The following NRAP variants were observed in gnomAD, a reference collection of about 807,000 sequenced individuals.
NRAP encodes the protein nebulin-related-anchoring protein.
In NRAP, 189 loss-of-function variants were observed where a neutral mutation model predicts 225.9. The ratio of observed to expected loss-of-function variants is 0.84; its 90% CI spans 0.74 to 0.94. The LOEUF (loss-of-function observed/expected upper bound fraction) is 0.94, where lower values mean the gene tolerates loss of function less well. Ranked by LOEUF, NRAP falls within the 40% of genes least tolerant of loss-of-function variation. The pLI is 0.00. For synonymous variants in NRAP, 769 were observed against 790.7 expected (o/e 0.97, Z 0.46); for missense variants, 2,176 against 2,168.7 (o/e 1.00, Z -0.07).
At chr10:113,629,248 A>C (rs1848446819) in intron 19 of NRAP, among the ~76,000 whole-genome samples, 1 of 152,144 alleles carries the variant, frequency 6.6e-6, no homozygotes, top group South Asian at 2.1e-4. Context: ...CAACCTTAGC[A>C]AAAAGAGTGT....
At chr10:113,631,757 T>G (rs997223824) in intron 17 of NRAP, 100 bp downstream of exon 17, 1 of 895,684 alleles carries the variant, frequency 1.1e-6, no homozygotes, top group African/African-American at 1.7e-5. Flanking sequence ...AGTATTGCGA[T>G]GTTTACAATG....
Position 113,631,929 on chromosome 10 carries a change from C to G in NRAP, c.1668G>C (p.Gly556=), listed in dbSNP as rs779154398. The G allele has an allele frequency of 6.2e-7, 1 of 1,613,230 alleles. No homozygotes were observed. The highest frequency in any genetic ancestry group is 2.2e-5 in the East Asian group (1 of 44,892). Residue 556 remains glycine (G), a synonymous_variant, in exon 17 of 42, where the codon GGG becomes GGC. Coordinates refer to ENST00000359988, the MANE Select transcript of NRAP (RefSeq NM_198060.4). ...CATCCAGCTTCATCTCAAATCCTTT[C>G]CCCTTTGTCTTCTCCCAGCCTTCTT... The part of the protein sequence containing the change: ...KYKEGWEKTK[G]KGFEMKLDAM...
rs1468762790 is a variant in NRAP, at chr10:113,612,388, T to G, written c.3344A>C (p.His1115Pro). ...CAGGGCGGCCATGTCCAACGGCAGA[T>G]GGAACTGCGCCTTTGAGTGTTCAAA... The part of the protein sequence containing the change: ...KGFEHSKAQF[H>P]LPLDMAALVH... The change falls in exon 30 of 42, where the codon CAT (histidine) becomes CCT (proline). Residue 1115 changes from histidine (H) to proline (P), a missense_variant. Around this residue, in one of 3 missense-constraint regions of NRAP, gnomAD observed 1,708 missense variants for 1,695.5 expected, o/e 1.01. Coordinates refer to ENST00000359988, the MANE Select transcript of NRAP (RefSeq NM_198060.4). 2 of 1,614,082 alleles carry G rather than the reference T, an allele frequency of 1.2e-6. No homozygotes were observed. Among genetic ancestry groups the G allele is most frequent in the African/African-American group, 2.7e-5 (2 of 74,946 alleles).
At chr10:113,647,468 C>CCG (rs1849591991) in intron 9 of NRAP, among the ~76,000 whole-genome samples, 1 of 150,588 alleles carries the variant, frequency 6.6e-6, no homozygotes, top group East Asian at 2.0e-4. Context: ...ACTGCCTCCC[C>CCG]AAGTGGTACT....
At position 113,642,995 on chromosome 10, in the gene NRAP, A is replaced by T. The variant is rs941624743; in HGVS notation, c.1154T>A (p.Ile385Asn). The T allele has an allele frequency of 4.4e-6, 7 of 1,602,628 alleles. No individual in the cohort carries two copies. Among genetic ancestry groups the T allele is most frequent in the Middle Eastern group, 1.7e-4 (1 of 6,038 alleles). The change falls in exon 12 of 42, where the codon ATC (isoleucine) becomes AAC (asparagine). Residue 385 changes from isoleucine (I) to asparagine (N), a missense_variant. Physicochemically the swap from Ile to Asn is moderately radical, Grantham distance 149 (BLOSUM62 -3). Coordinates refer to ENST00000359988, the MANE Select transcript of NRAP (RefSeq NM_198060.4). ...GAATTGAGGTGTTTCACAGTAGTTG[A>T]TACTGTGACCTCTACTACTTTCCAG... is the stretch of plus-strand genomic sequence containing the variant. ...KDLESSRGHS[I>N]NYCETPQFRN...
At chr10:113,650,378 C>G in intron 8 of NRAP, 60 bp downstream of exon 8, 3 of 1,270,210 alleles carry the variant, frequency 2.4e-6, no homozygotes, top group South Asian at 2.4e-5. Flanking sequence ...TTGGACTCCT[C>G]AGACCCAGGT....
chr10:113,663,802 T>C lies in NRAP; in HGVS notation c.72+9A>G. 6.2e-7 allele frequency: 1 copy of C among 1,605,216 alleles called. No homozygotes were observed. On this transcript the variant is annotated intron_variant, in intron 1 of 41. Coordinates refer to ENST00000359988, the MANE Select transcript of NRAP (RefSeq NM_198060.4). ...TATTATTCACAAAAGCCAAGAAATG[T>C]CTACTGACCTGATCTATACAGCTGA...
At chr10:113,611,314 G>A (rs1393910081) in intron 30 of NRAP, among the ~76,000 whole-genome samples, 3 of 152,118 alleles carry the variant, frequency 2.0e-5, no homozygotes, top group Non-Finnish European at 1.5e-5. Context: ...CCAAACAGAC[G>A]ACAGACACCC....
intron 39 of NRAP, among the ~76,000 whole-genome samples, chr10:113,591,507 G>A (rs770030832): frequency 4.6e-5 from 7 of 152,134 alleles, no homozygotes; most frequent in Non-Finnish European, 1.0e-4. Flanking sequence ...ATGTTACAAC[G>A]TCTAATTGCT....
At position 113,652,848 on chromosome 10, in the gene NRAP, C is replaced by A; in HGVS notation, c.570+87G>T. The A allele has an allele frequency of 8.1e-6, 7 of 865,654 alleles. No individual in the cohort carries two copies. In the South Asian group the frequency reaches 9.7e-5, roughly 12 times the overall value. The allele number at this position is 865,654 out of a possible 1,614,324, so 53.6% of individuals were successfully genotyped here. A position where few individuals can be genotyped will look rare whatever the true frequency, so the allele number is the denominator to read the frequency against. ...ATGGTACCTACTTCCCCAAAGCACTCTCTTACTGTTTTTTCCCTAAATCAC... is the reference window on the plus strand; with the variant it reads ...ATGGTACCTACTTCCCCAAAGCACTATCTTACTGTTTTTTCCCTAAATCAC... On this transcript the variant is annotated intron_variant, in intron 6 of 41. Coordinates refer to ENST00000359988, the MANE Select transcript of NRAP (RefSeq NM_198060.4).
intron 26 of NRAP, 142 bp downstream of exon 26, chr10:113,617,313 A>G (rs1010575415): frequency 1.8e-6 from 1 of 546,142 alleles, no homozygotes; most frequent in Non-Finnish European, 3.3e-6. Context: ...ACCCCCCGCT[A>G]AGGGAGCCTC....
chr10:113,595,847 C>T, intron 37 of NRAP, 120 bp from the exon 38 acceptor site: 1 of 605,764 alleles, frequency 1.7e-6, no homozygotes, highest in Non-Finnish European at 2.9e-6. Flanking sequence ...AGAACAGAAC[C>T]CAGTCCTGCC....
At chr10:113,605,325 T>TATGGAC (rs1846888801) in intron 34 of NRAP, among the ~76,000 whole-genome samples, 4 of 152,216 alleles carry the variant, frequency 2.6e-5, no homozygotes, top group Admixed American at 6.5e-5. Flanking sequence ...GTCCCAAAGC[T>TATGGAC]ATGGACGTTA....
At chr10:113,596,515 T>C (rs1846291579) in intron 37 of NRAP, among the ~76,000 whole-genome samples, 1 of 152,132 alleles carries the variant, frequency 6.6e-6, no homozygotes, top group African/African-American at 2.4e-5. Flanking sequence ...TTCCTTGAAA[T>C]AAAGACAGGA....
At chr10:113,618,833 C>T (rs1343462458) in intron 25 of NRAP, among the ~76,000 whole-genome samples, 2 of 152,176 alleles carry the variant, frequency 1.3e-5, no homozygotes, top group African/African-American at 4.8e-5. Context: ...GTCATCTCAG[C>T]TACTCAAGAG....
At chr10:113,619,533 A>G (rs1433390876) in intron 25 of NRAP, among the ~76,000 whole-genome samples, 2 of 151,980 alleles carry the variant, frequency 1.3e-5, no homozygotes, top group Non-Finnish European at 2.9e-5. Context: ...GTTCCATGGG[A>G]AAATACTAAT....
intron 12 of NRAP, among the ~76,000 whole-genome samples, chr10:113,642,625 C>T (rs1849272596): frequency 6.6e-6 from 1 of 152,168 alleles, no homozygotes. Flanking sequence ...GTCACATGCT[C>T]AGCCAGGCCC....
Position 113,632,979 on chromosome 10 carries a change from C to G in NRAP, c.1632+105G>C, listed in dbSNP as rs868612366. ...CAACTTGATGGATGCCTCTGATGAGCCTTTCTCAGGGACAGACACTTCCCA... is the reference window on the plus strand; with the variant it reads ...CAACTTGATGGATGCCTCTGATGAGGCTTTCTCAGGGACAGACACTTCCCA... On this transcript the variant is annotated intron_variant, in intron 16 of 41. Transcript: ENST00000359988. The G allele has an allele frequency of 5.3e-5, 38 of 718,316 alleles. No homozygotes were observed. The South Asian group carries it at 5.7e-4, about 11-fold the overall frequency. 44.5% of individuals were successfully genotyped at this position (718,316 alleles called of 1,614,324 possible).
chr10:113,625,250 A>T (rs3121456), intron 21 of NRAP, among the ~76,000 whole-genome samples: 43,972 of 152,042 alleles, frequency 0.29, 6,570 homozygotes, highest in Admixed American at 0.36. Context: ...TCTGTGGCCA[A>T]AAAAATACCC....
Sources: allele counts gnomAD v4.1 joint callset (sites outside exome capture counted in the v4.1 genomes callset), GRCh38; gene constraint gnomAD v4.1.1; regional missense constraint gnomAD v4.1.1; transcripts MANE v1.5; gene names NCBI Gene and HGNC (gene_info 2026-07-23, HGNC 2026-07-21).